SLC5A10: variants seen among roughly 807,000 people sequenced by gnomAD.
SLC5A10 encodes sodium/mannose cotransporter SLC5A10.
A neutral mutation model predicts 68.9 loss-of-function variants in SLC5A10; 55 were observed. The observed-to-expected ratio is 0.80, with a 90% confidence interval of 0.64 to 1.00. The LOEUF (loss-of-function observed/expected upper bound fraction) is 1.00, where lower values mean the gene tolerates loss of function less well. SLC5A10 is among the 50% of genes least tolerant of loss of function. The probability of loss-of-function intolerance (pLI) is 0.00; values close to 1 mark genes in which losing one functional copy is unlikely to be tolerated. For synonymous variants in SLC5A10, 344 were observed against 344.8 expected, an observed-to-expected ratio of 1.00 and a Z score of 0.02; for missense variants, 732 against 819.3, an observed-to-expected ratio of 0.89 and a Z score of 1.30.
chr17:19,008,413 G>A (rs2043943198), intron 9 of SLC5A10, among the ~76,000 whole-genome samples: 1 of 151,812 alleles, frequency 6.6e-6, no homozygotes, highest in Non-Finnish European at 1.5e-5. Context: ...TTTTGTATAA[G>A]GTGTGAAGTT....
chr17:19,017,096 C>T lies in SLC5A10; in HGVS notation c.1241+1897C>T, dbSNP rs1331647250. On this transcript the variant is annotated intron_variant, in intron 11 of 14. Transcript: ENST00000395645. The surrounding 1 kb of genome is among the most constrained non-coding windows in gnomAD (Gnocchi z 5.6). ...CTTCCCACCTCTTCTGCCAAGTCAACCCCCGCCCCTAGCCCTGCAAGCCTG... is the reference window on the plus strand; with the variant it reads ...CTTCCCACCTCTTCTGCCAAGTCAATCCCCGCCCCTAGCCCTGCAAGCCTG... Among the ~76,000 whole-genome samples, 1 of 152,248 alleles carries T rather than the reference C, an allele frequency of 6.6e-6. No homozygotes were observed. The highest frequency in any genetic ancestry group is 1.5e-5 in the Non-Finnish European group (1 of 68,042).
intron 8 of SLC5A10, among the ~76,000 whole-genome samples, chr17:18,975,272 C>A (rs894474305): frequency 1.3e-5 from 2 of 152,322 alleles, no homozygotes; most frequent in East Asian, 1.9e-4. Context: ...GCTTGCCCTG[C>A]GTTCGGAGGC....
At chr17:18,969,009 C>A (rs1287632577) in intron 5 of SLC5A10, 43 bp from the exon 6 acceptor site, 2 of 1,568,542 alleles carry the variant, frequency 1.3e-6, no homozygotes, top group East Asian at 4.5e-5. Flanking sequence ...CTTGCTGGAG[C>A]CCTGGGAATA....
rs140910014 is a variant in SLC5A10, at chr17:19,010,191, A to AG, written c.983-3214dup. On this transcript the variant is annotated intron_variant, in intron 9 of 14. Transcript: ENST00000395645. ...TTCGAAGTTCCCTTTGCTTGCTTGC[A>AG]GGGGGAGTGGATTAGGAGGCACAGC... Among the ~76,000 whole-genome samples, 1,641 of 152,066 alleles carry AG rather than the reference A, an allele frequency of 0.011. 121 individuals are homozygous for AG. In the East Asian group the frequency reaches 0.19, roughly 18 times the overall value.
chr17:18,978,382 G>A, intron 9 of SLC5A10: 2 of 1,592,680 alleles, frequency 1.3e-6, no homozygotes, highest in South Asian at 1.1e-5. Context: ...TGATATTGAT[G>A]TAGCCCAGGA....
intron 4 of SLC5A10, 113 bp downstream of exon 4, chr17:18,959,776 C>T: frequency 1.1e-6 from 1 of 933,680 alleles, no homozygotes; most frequent in Non-Finnish European, 1.7e-6. Flanking sequence ...ACTCTTAGGG[C>T]TGGGTTTGCT....
In SLC5A10 at chr17:18,969,165, G is replaced by T. The variant is rs2042775700; in HGVS notation, c.559+8G>T. 1 of 1,612,766 alleles carries T rather than the reference G, an allele frequency of 6.2e-7. No individual in the cohort carries two copies. Among genetic ancestry groups the T allele is most frequent in the African/African-American group, 1.3e-5 (1 of 75,050 alleles). On this transcript the variant is annotated splice_region_variant and intron_variant, in intron 6 of 14. Transcript: ENST00000395645. Reference sequence around the variant, plus strand: ...CCCTGTACACCATCGCAGGTATGGTGCCTGCAGCAGGGAGGTCCACCCAGG... The same window carrying T: ...CCCTGTACACCATCGCAGGTATGGTTCCTGCAGCAGGGAGGTCCACCCAGG...
chr17:18,976,955 C>T lies in SLC5A10; in HGVS notation c.948C>T (p.Ile316=), dbSNP rs2472715. ...AGATGCTCCCCATGGGCCTGATCAT[C>T]ATGCCGGGCATGATCAGCCGCGCAT... The part of the protein sequence containing the change: ...YLKMLPMGLI[I]MPGMISRALF... The change falls in exon 9 of 15, where the codon ATC becomes ATT. Residue 316 remains isoleucine (I), a synonymous_variant. Coordinates refer to ENST00000395645, the MANE Select transcript of SLC5A10 (RefSeq NM_001042450.4). 12 of 1,613,110 alleles carry T rather than the reference C, an allele frequency of 7.4e-6. No homozygotes were observed.
At position 18,971,393 on chromosome 17, in the gene SLC5A10, C is replaced by T; in HGVS notation, c.846+175C>T. 1 of 1,613,690 alleles carries T rather than the reference C, an allele frequency of 6.2e-7. No homozygotes were observed. Among genetic ancestry groups the T allele is most frequent in the Non-Finnish European group, 8.5e-7 (1 of 1,179,998 alleles). ...TTTGCGGTCCCGGGGGGCTTGAGCC[C>T]TCCGTTTAGAATCCGATGAGGCCCA... On this transcript the variant is annotated intron_variant, in intron 8 of 14. Coordinates refer to ENST00000395645, the MANE Select transcript of SLC5A10 (RefSeq NM_001042450.4). This position sits in a 1 kb window ranked among gnomAD's most constrained non-coding sequence, Gnocchi z 5.5.
In SLC5A10 at chr17:18,968,929, GGT is replaced by G; in HGVS notation, c.454-122_454-121del. On this transcript the variant is annotated intron_variant, in intron 5 of 14. Transcript: ENST00000395645. This position sits in a 1 kb window ranked among gnomAD's most constrained non-coding sequence, Gnocchi z 4.1. ...TGATGCAGGCAGGCAGGCGAGTGGG[GGT>G]CTCCCCTCCTTATCCACAGGCCACC... The G allele has an allele frequency of 1.2e-6, 1 of 828,742 alleles. No homozygotes were observed. The highest frequency in any genetic ancestry group is 1.8e-5 in the South Asian group (1 of 55,366). The allele number at this position is 828,742 out of a possible 1,614,324, so 51.3% of individuals were successfully genotyped here. A position where few individuals can be genotyped will look rare whatever the true frequency, so the allele number is the denominator to read the frequency against.
chr17:18,974,040 G>A (rs563912719), intron 8 of SLC5A10, among the ~76,000 whole-genome samples: 1 of 152,146 alleles, frequency 6.6e-6, no homozygotes, highest in African/African-American at 2.4e-5. Flanking sequence ...TTACAAGCGT[G>A]TACCATCATG....
At chr17:18,963,863 C>T (rs1015872380) in intron 5 of SLC5A10, among the ~76,000 whole-genome samples, 1 of 152,220 alleles carries the variant, frequency 6.6e-6, no homozygotes, top group Non-Finnish European at 1.5e-5. Context: ...GCACGATGCC[C>T]CATGCCACTT....
chr17:19,019,570 C>T lies in SLC5A10; in HGVS notation c.1389C>T (p.Phe463=). 1 of 1,611,882 alleles carries T rather than the reference C, an allele frequency of 6.2e-7. No individual in the cohort carries two copies. The highest frequency in any genetic ancestry group is 8.5e-7 in the Non-Finnish European group (1 of 1,179,942). ...CTGCAGTCTTTGTCCTGGGCGTCTT[C>T]TGGCGACGTGCCAACGAGCAGGTGG... ...PVTAVFVLGV[F]WRRANEQGAF... Residue 463 remains phenylalanine, a synonymous_variant, in exon 12 of 15, where the codon TTC becomes TTT. Coordinates refer to ENST00000395645, the MANE Select transcript of SLC5A10 (RefSeq NM_001042450.4).
chr17:18,962,014 C>A (rs1031650207), intron 5 of SLC5A10, among the ~76,000 whole-genome samples: 2 of 152,210 alleles, frequency 1.3e-5, no homozygotes, highest in Non-Finnish European at 2.9e-5. Flanking sequence ...AGGGACTTGG[C>A]CTTGGCCTGC....
intron 9 of SLC5A10, chr17:18,977,816 T>C: frequency 6.2e-7 from 1 of 1,608,268 alleles, no homozygotes; most frequent in East Asian, 2.2e-5. Context: ...GAAGTACTCC[T>C]CTGACACAGA....
At chr17:19,008,951 A>G (rs2043958784) in intron 9 of SLC5A10, among the ~76,000 whole-genome samples, 1 of 151,784 alleles carries the variant, frequency 6.6e-6, no homozygotes, top group South Asian at 2.1e-4. Context: ...AGCTGGGACT[A>G]CAGGTGCGTG....
chr17:18,999,953 G>A (rs2043686565), intron 9 of SLC5A10, among the ~76,000 whole-genome samples: 1 of 152,244 alleles, frequency 6.6e-6, no homozygotes, highest in African/African-American at 2.4e-5. Flanking sequence ...GTTGAGGGGG[G>A]CTCAGCATCT....
intron 9 of SLC5A10, among the ~76,000 whole-genome samples, chr17:18,983,383 A>G (rs1211515621): frequency 6.6e-6 from 1 of 152,248 alleles, no homozygotes; most frequent in East Asian, 1.9e-4. Flanking sequence ...CAGCACCAGG[A>G]CAGCCTGTGC....
intron 10 of SLC5A10, 30 bp from the exon 11 acceptor site, chr17:19,015,019 C>G (rs1037711069): frequency 6.2e-7 from 1 of 1,600,160 alleles, no homozygotes; most frequent in South Asian, 1.1e-5. Flanking sequence ...CAAGGCCGGA[C>G]AGGGTCACAC....
Sources: gnomAD v4.1 joint callset for allele counts (sites outside exome capture counted in the v4.1 genomes callset) on GRCh38, gnomAD v4.1.1 for gene constraint, Gnocchi (gnomAD v3.1) non-coding constraint, MANE v1.5 for transcripts, NCBI Gene and HGNC (gene_info 2026-07-23, HGNC 2026-07-21) for gene names.